Variants in TENM3 observed in about 807,000 individuals in gnomAD.
TENM3 encodes teneurin-3.
In TENM3, 63 loss-of-function variants were observed where a neutral mutation model predicts 255.1. That is an observed-to-expected ratio of 0.25 (90% CI 0.20 to 0.30). The LOEUF is 0.30. Ranked by LOEUF, TENM3 falls within the 10% of genes least tolerant of loss-of-function variation. The probability of loss-of-function intolerance (pLI) is 1.00; values close to 1 mark genes in which losing one functional copy is unlikely to be tolerated. For missense variants in TENM3, 2,929 were observed against 3,461.1 expected, an observed-to-expected ratio of 0.85 and a Z score of 3.86; for synonymous variants, 1,306 against 1,322.3, an observed-to-expected ratio of 0.99 and a Z score of 0.27.
the TENM3 span, among the ~76,000 whole-genome samples, chr4:181,709,135 T>C: frequency 6.6e-6 from 1 of 152,232 alleles, no homozygotes; most frequent in Non-Finnish European, 1.5e-5. Context: ...GTAATATTTA[T>C]AGAAGACACT....
the TENM3 span, among the ~76,000 whole-genome samples, chr4:181,522,100 C>CAAAAAAAAAAA: frequency 5.5e-4 from 30 of 54,732 alleles, 1 homozygote; most frequent in African/African-American, 7.1e-4. Flanking sequence ...GACTCCGTCT[C>CAAAAAAAAAAA]AAAAAAAAAA....
the TENM3 span, among the ~76,000 whole-genome samples, chr4:181,984,789 CGTGTGTGTGTGTGTGTGTGTGTGTGTGT>C: frequency 3.6e-5 from 5 of 138,586 alleles, no homozygotes; most frequent in East Asian, 6.6e-4. Context: ...CTAAAAGAGT[CGTGTGTGTGTGTGTGTGTGTGTGTGTGT>C]GTGTGTGTGT....
At chr4:181,783,149 G>A in the TENM3 span, among the ~76,000 whole-genome samples, 1 of 152,290 alleles carries the variant, frequency 6.6e-6, no homozygotes, top group South Asian at 2.1e-4. Context: ...GCTTGGTGCA[G>A]AGCTGAATTC....
At chr4:181,524,362 C>T in the TENM3 span, among the ~76,000 whole-genome samples, 1 of 152,074 alleles carries the variant, frequency 6.6e-6, no homozygotes, top group African/African-American at 2.4e-5. Flanking sequence ...TAGCAAATAC[C>T]TTTGCTATTG....
chr4:182,413,487 G>T (rs1580456326), intron 3 of TENM3, among the ~76,000 whole-genome samples: 1 of 151,998 alleles, frequency 6.6e-6, no homozygotes, highest in Non-Finnish European at 1.5e-5. Context: ...CGTGGTGTGT[G>T]GGCCTGTATT....
chr4:181,816,482 C>T, the TENM3 span, among the ~76,000 whole-genome samples: 1 of 152,142 alleles, frequency 6.6e-6, no homozygotes, highest in Non-Finnish European at 1.5e-5. Context: ...ATAAAGCCTT[C>T]CTTTCGTCAG....
At chr4:182,050,919 T>G in the TENM3 span, among the ~76,000 whole-genome samples, 1 of 152,206 alleles carries the variant, frequency 6.6e-6, no homozygotes, top group Non-Finnish European at 1.5e-5. Context: ...CTTCAGCCAC[T>G]GGCGATTACA....
At chr4:182,651,275 T>C (rs1328755676) in intron 5 of TENM3, among the ~76,000 whole-genome samples, 1 of 152,206 alleles carries the variant, frequency 6.6e-6, no homozygotes, top group Non-Finnish European at 1.5e-5. Context: ...TATGATGTGA[T>C]AAGTGTTTAG....
chr4:181,869,160 T>G, the TENM3 span, among the ~76,000 whole-genome samples: 1 of 152,296 alleles, frequency 6.6e-6, no homozygotes, highest in African/African-American at 2.4e-5. Context: ...TCATTATTAA[T>G]CTGCAAATCA....
chr4:181,680,783 A>G, the TENM3 span, among the ~76,000 whole-genome samples: 1 of 152,104 alleles, frequency 6.6e-6, no homozygotes, highest in Admixed American at 6.6e-5. Flanking sequence ...CAAATTGTCA[A>G]GTTTCACAGA....
chr4:181,964,797 C>CA, the TENM3 span, among the ~76,000 whole-genome samples: 2 of 152,038 alleles, frequency 1.3e-5, no homozygotes, highest in African/African-American at 4.8e-5. Context: ...CAAACATTTA[C>CA]AAAACAAACA....
chr4:182,231,666 C>T (rs1172619635), intron 1 of TENM3, among the ~76,000 whole-genome samples: 11 of 152,304 alleles, frequency 7.2e-5, no homozygotes, highest in African/African-American at 2.2e-4. Context: ...TTCAGGAGTG[C>T]CTCCTCTCCT....
At chr4:182,513,873 C>G (rs576823777) in intron 3 of TENM3, among the ~76,000 whole-genome samples, 2 of 152,342 alleles carry the variant, frequency 1.3e-5, no homozygotes, top group African/African-American at 4.8e-5. Flanking sequence ...TCCACCTGCC[C>G]TGATCACCCC....
chr4:182,714,140 G>A lies in TENM3; in HGVS notation c.2275G>A (p.Gly759Ser), dbSNP rs553638407. 6.2e-7 allele frequency: 1 copy of A among 1,613,798 alleles called. No homozygotes were observed. The highest frequency in any genetic ancestry group is 2.2e-5 in the East Asian group (1 of 44,874). Residue 759 changes from glycine to serine, a missense_variant, in exon 13 of 28, where the codon GGC becomes AGC. Coordinates refer to ENST00000511685, the MANE Select transcript of TENM3 (RefSeq NM_001080477.4). The stretch of plus-strand genomic sequence containing the variant: ...TGGAAGATGTACCCTGGACCAAAAT[G>A]GCTGGCATTGTGTGTGCCAGCCTGG... ...SNGRCTLDQNGWHCVCQPGWR... is the reference protein window; with the variant it reads ...SNGRCTLDQNSWHCVCQPGWR...
At chr4:182,538,794 A>T (rs1006139363) in intron 3 of TENM3, among the ~76,000 whole-genome samples, 1 of 152,146 alleles carries the variant, frequency 6.6e-6, no homozygotes, top group Non-Finnish European at 1.5e-5. Context: ...GGTTTCCAAG[A>T]TGACAGCTAC....
intron 3 of TENM3, among the ~76,000 whole-genome samples, chr4:182,380,478 C>T (rs1401636074): frequency 2.6e-5 from 4 of 152,074 alleles, no homozygotes; most frequent in Non-Finnish European, 5.9e-5. Context: ...CCTGGCATTG[C>T]GTAAGCATGC....
chr4:182,654,014 TATC>T (rs1753550871), intron 6 of TENM3, 121 bp downstream of exon 6: 2 of 914,212 alleles, frequency 2.2e-6, no homozygotes, highest in Non-Finnish European at 1.5e-6. Flanking sequence ...AAATTACAGA[TATC>T]ATCTTTTTAT....
chr4:182,149,180 C>CTT (rs1750163332), intron 1 of TENM3, among the ~76,000 whole-genome samples: 1 of 151,834 alleles, frequency 6.6e-6, no homozygotes, highest in African/African-American at 2.4e-5. Flanking sequence ...TGGTGTTTTT[C>CTT]CAGCTTAAGA....
At chr4:182,094,587 T>C in the TENM3 span, among the ~76,000 whole-genome samples, 36 of 152,138 alleles carry the variant, frequency 2.4e-4, no homozygotes, top group Non-Finnish European at 1.5e-4. Flanking sequence ...TAATTTCACA[T>C]AGAAATGAAC....
Sources: gnomAD v4.1 joint callset for allele counts (sites outside exome capture counted in the v4.1 genomes callset) on GRCh38, gnomAD v4.1.1 for gene constraint, MANE v1.5 for transcripts, NCBI Gene and HGNC (gene_info 2026-07-23, HGNC 2026-07-21) for gene names.